The following BFAR variants were observed in gnomAD, a reference collection of about 807,000 sequenced individuals.
BFAR encodes the protein RING finger protein 47.
BFAR carries 52 observed loss-of-function variants against 54.4 expected under a neutral mutation model. The ratio of observed to expected loss-of-function variants is 0.96; its 90% CI spans 0.77 to 1.21. The LOEUF (loss-of-function observed/expected upper bound fraction) is 1.21, where lower values mean the gene tolerates loss of function less well. BFAR is among the 50% of genes most tolerant of loss of function. The pLI is 0.00. For missense variants in BFAR, 571 were observed against 534.0 expected (o/e 1.07, Z -0.68); for synonymous variants, 215 against 204.3 (o/e 1.05, Z -0.45).
chr16:14,654,568 C>T (rs991915170), intron 4 of BFAR, among the ~76,000 whole-genome samples: 14 of 139,270 alleles, frequency 1.0e-4, no homozygotes, highest in Non-Finnish European at 2.1e-4. Flanking sequence ...AGGGCAGTGA[C>T]GAGATCTTAG....
intron 4 of BFAR, among the ~76,000 whole-genome samples, chr16:14,651,134 AT>A (rs953414647): frequency 3.4e-4 from 52 of 152,240 alleles, no homozygotes; most frequent in African/African-American, 1.2e-3. Context: ...ATAGTGTGAG[AT>A]CCCACAGGGT....
In BFAR at chr16:14,664,909, T is replaced by C. The variant is rs1438148161; in HGVS notation, c.998T>C (p.Leu333Pro). The change falls in exon 7 of 8, where the codon CTG becomes CCG. Residue 333 changes from leucine (L) to proline (P), a missense_variant. Leu to Pro is a moderately conservative substitution (Grantham distance 98). Coordinates refer to ENST00000261658, the MANE Select transcript of BFAR (RefSeq NM_016561.3). ...ACGTGGAAGCAGTGGAGAGAGTTCC[T>C]GGTCAAATACTCCTTCCTTCCATAC... ...EPTWKQWREF[L>P]VKYSFLPYQL... 1 of 1,613,974 alleles carries C rather than the reference T, an allele frequency of 6.2e-7. No individual in the cohort carries two copies. The highest frequency in any genetic ancestry group is 1.3e-5 in the African/African-American group (1 of 74,942).
intron 2 of BFAR, 129 bp downstream of exon 2, chr16:14,644,738 C>G (rs1325297561): frequency 1.7e-6 from 2 of 1,155,370 alleles, no homozygotes; most frequent in East Asian, 2.4e-5. Flanking sequence ...AACTCCTGAC[C>G]TCAAGTGATC....
At chr16:14,662,175 C>G in intron 6 of BFAR, 110 bp downstream of exon 6, 1 of 1,276,508 alleles carries the variant, frequency 7.8e-7, no homozygotes, top group Non-Finnish European at 1.1e-6. Context: ...TGAACTCCTT[C>G]AGAATGTCTG....
chr16:14,652,479 C>G (rs1033804269), intron 4 of BFAR, among the ~76,000 whole-genome samples: 1 of 151,756 alleles, frequency 6.6e-6, no homozygotes, highest in African/African-American at 2.4e-5. Flanking sequence ...TGGGGTTTCG[C>G]CATGTTGACC....
chr16:14,648,260 T>G (rs1036334933), intron 2 of BFAR, 128 bp from the exon 3 acceptor site: 1 of 709,116 alleles, frequency 1.4e-6, no homozygotes, highest in Non-Finnish European at 2.3e-6. Context: ...AGGACTATAA[T>G]ACATTTCTTG....
At chr16:14,666,023 G>A (rs1453671200) in intron 7 of BFAR, among the ~76,000 whole-genome samples, 1 of 152,146 alleles carries the variant, frequency 6.6e-6, no homozygotes, top group African/African-American at 2.4e-5. Flanking sequence ...TCTTTCTTGT[G>A]TTTTCTGCCT....
At chr16:14,657,257 TTTG>T (rs1960155119) in intron 5 of BFAR, among the ~76,000 whole-genome samples, 1 of 151,872 alleles carries the variant, frequency 6.6e-6, no homozygotes, top group South Asian at 2.1e-4. Context: ...TTTGTTTTGT[TTTG>T]TTTTTTGAGA....
At chr16:14,660,584 C>CT (rs547361112) in intron 5 of BFAR, among the ~76,000 whole-genome samples, 26,387 of 117,354 alleles carry the variant, frequency 0.22, 3,941 homozygotes, top group Non-Finnish European at 0.31. Flanking sequence ...CGCACTCGGC[C>CT]TTTTTTTTTT....
rs572124596 is a variant in BFAR, at chr16:14,652,286, A to T, written c.638+2313A>T. Among the ~76,000 whole-genome samples, 1,354 of 142,196 alleles carry T rather than the reference A, an allele frequency of 9.5e-3. 15 individuals are homozygous for T. The highest frequency in any genetic ancestry group is 0.029 in the African/African-American group (1,136 of 38,862). The allele number at this position is 142,196 out of a possible 152,430, so 93.3% of individuals were successfully genotyped here. Reference sequence around the variant, plus strand: ...TAACACCACATTAATATATATTTTTATTTTTTTTTTTGAGATGGAGTCTTA... The same window carrying T: ...TAACACCACATTAATATATATTTTTTTTTTTTTTTTTGAGATGGAGTCTTA... On this transcript the variant is annotated intron_variant, in intron 4 of 7. Transcript: ENST00000261658.
At chr16:14,656,213 C>G (rs1960124972) in intron 5 of BFAR, among the ~76,000 whole-genome samples, 1 of 151,698 alleles carries the variant, frequency 6.6e-6, no homozygotes, top group African/African-American at 2.4e-5. Context: ...AAAAAAAAAG[C>G]AAAGAACAGA....
intron 1 of BFAR, among the ~76,000 whole-genome samples, chr16:14,639,372 A>C (rs1052512970): frequency 1.3e-5 from 2 of 151,948 alleles, no homozygotes; most frequent in African/African-American, 4.8e-5. Flanking sequence ...CAGTGGTGCA[A>C]TCTTGTATCA....
At chr16:14,641,157 A>G (rs1959613252) in intron 1 of BFAR, among the ~76,000 whole-genome samples, 1 of 152,220 alleles carries the variant, frequency 6.6e-6, no homozygotes, top group African/African-American at 2.4e-5. Context: ...AACTTGGTAA[A>G]TAACAGTTAT....
In BFAR at chr16:14,667,801, C is replaced by T. The variant is rs777625063; in HGVS notation, c.1327C>T (p.Arg443Trp). ...CATTGATCTTGTGGTCAAGGAACTC[C>T]GGCGGCTGGAAACCCAGGTGTTGTG... The part of the protein sequence containing the change: ...INIDLVVKEL[R>W]RLETQVL The change falls in exon 8 of 8, where the codon CGG (arginine) becomes TGG (tryptophan). Residue 443 changes from arginine to tryptophan, a missense_variant. Coordinates refer to ENST00000261658, the MANE Select transcript of BFAR (RefSeq NM_016561.3). The T allele has an allele frequency of 6.8e-6, 11 of 1,614,038 alleles. No individual in the cohort carries two copies. Among genetic ancestry groups the T allele is most frequent in the African/African-American group, 1.3e-5 (1 of 74,922 alleles).
At chr16:14,650,089 AG>A in intron 4 of BFAR, 116 bp downstream of exon 4, 1 of 1,030,282 alleles carries the variant, frequency 9.7e-7, no homozygotes, top group Non-Finnish European at 1.3e-6. Flanking sequence ...TGGGAGGCCG[AG>A]GCGGATCGAT....
chr16:14,652,044 G>A (rs1236269890), intron 4 of BFAR, among the ~76,000 whole-genome samples: 3 of 151,740 alleles, frequency 2.0e-5, no homozygotes, highest in South Asian at 2.1e-4. Context: ...CTGCCACCAC[G>A]CCCGGCTAAT....
chr16:14,645,007 C>T (rs531529657), intron 2 of BFAR, among the ~76,000 whole-genome samples: 3 of 152,168 alleles, frequency 2.0e-5, no homozygotes, highest in Admixed American at 6.6e-5. Context: ...GTTAGCAGAC[C>T]GTTGCTGGTA....
intron 7 of BFAR, chr16:14,667,199 A>T (rs1357656398): frequency 1.3e-5 from 2 of 152,042 alleles, no homozygotes; most frequent in Non-Finnish European, 2.9e-5. Flanking sequence ...TAATAATAAT[A>T]ATAATTAGCC....
chr16:14,636,158 G>T (rs1959428295), intron 1 of BFAR, among the ~76,000 whole-genome samples: 1 of 152,206 alleles, frequency 6.6e-6, no homozygotes, highest in African/African-American at 2.4e-5. Context: ...GAAGGGGTGG[G>T]TTGCCCCTCC....
Sources: allele counts gnomAD v4.1 joint callset (sites outside exome capture counted in the v4.1 genomes callset), GRCh38; gene constraint gnomAD v4.1.1; transcripts MANE v1.5; gene names NCBI Gene and HGNC (gene_info 2026-07-23, HGNC 2026-07-21).